The following GALC variants were observed in gnomAD, a reference collection of about 807,000 sequenced individuals.
GALC encodes galactocerebrosidase.
Under a neutral mutation model 91.8 loss-of-function variants are expected in GALC, and 77 were observed. The observed-to-expected ratio is 0.84, with a 90% CI of 0.70 to 1.01. GALC has a LOEUF of 1.01. Among genes scored for constraint, GALC ranks in the 50% least tolerant of loss-of-function variants. The probability of loss-of-function intolerance (pLI) is 0.00; values close to 1 mark genes in which losing one functional copy is unlikely to be tolerated. For missense variants in GALC, 882 were observed against 855.9 expected (o/e 1.03, Z -0.38); for synonymous variants, 357 against 306.7 (o/e 1.16, Z -1.71).
chr14:87,938,197 G>A (rs1300963639), intron 16 of GALC, among the ~76,000 whole-genome samples: 1 of 152,000 alleles, frequency 6.6e-6, no homozygotes, highest in Middle Eastern at 3.2e-3. Flanking sequence ...TGAGGAATAT[G>A]GAGAAAAGCC....
intron 10 of GALC, chr14:87,954,531 C>G (rs907569934): frequency 6.4e-7 from 1 of 1,558,604 alleles, no homozygotes; most frequent in Non-Finnish European, 8.7e-7. Context: ...ATGCCTTGGT[C>G]ATCCTGTGAG....
intron 14 of GALC, among the ~76,000 whole-genome samples, chr14:87,942,241 T>A (rs1416677693): frequency 6.6e-6 from 1 of 151,972 alleles, no homozygotes. Flanking sequence ...TCTAACAAGT[T>A]CCCAGGTGAT....
intron 13 of GALC, 49 bp downstream of exon 13, chr14:87,947,679 C>A (rs1566974299): frequency 1.3e-6 from 2 of 1,558,572 alleles, no homozygotes; most frequent in Non-Finnish European, 1.8e-6. Context: ...AATCAACACA[C>A]TACTGTTAAA....
chr14:87,982,111 C>A lies in GALC; in HGVS notation c.621+94G>T, dbSNP rs149814143. The A allele has an allele frequency of 1.9e-3, 1,308 of 699,438 alleles. 15 individuals carry two copies. In the African/African-American group the frequency reaches 0.021, roughly 11 times the overall value. 43.3% of individuals were successfully genotyped at this position (699,438 alleles called of 1,614,324 possible). On this transcript the variant is annotated intron_variant, in intron 6 of 16. Coordinates refer to ENST00000261304, the MANE Select transcript of GALC (RefSeq NM_000153.4). ...CTGTAGTATAAAAAATACGGTATTTCCAACACAAATTTCCTACTATTTTCT... is the reference window on the plus strand; with the variant it reads ...CTGTAGTATAAAAAATACGGTATTTACAACACAAATTTCCTACTATTTTCT...
intron 9 of GALC, among the ~76,000 whole-genome samples, chr14:87,964,483 G>A (rs17760434): frequency 0.11 from 17,198 of 152,102 alleles, 1,143 homozygotes; most frequent in Non-Finnish European, 0.16. Context: ...CTGCAGAAAA[G>A]TTTCAACATT....
chr14:87,975,745 TAC>T (rs2140014814), intron 7 of GALC, among the ~76,000 whole-genome samples: 1 of 151,762 alleles, frequency 6.6e-6, no homozygotes, highest in African/African-American at 2.4e-5. Flanking sequence ...GAACAAATTC[TAC>T]ACACATACAT....
intron 1 of GALC, among the ~76,000 whole-genome samples, chr14:87,988,765 TA>T (rs1226932944): frequency 1.3e-5 from 2 of 152,278 alleles, no homozygotes; most frequent in Non-Finnish European, 2.9e-5. Flanking sequence ...AACTGGGAGG[TA>T]AGCTTGCTAA....
At chr14:87,955,963 G>C (rs541372061) in intron 10 of GALC, among the ~76,000 whole-genome samples, 28 of 148,128 alleles carry the variant, frequency 1.9e-4, no homozygotes, top group Admixed American at 1.9e-3. Context: ...AATTTATGAT[G>C]AAATGAAAAA....
rs962360205 is a variant in GALC at position 87,993,048 on chromosome 14, G to C, written c.117C>G (p.Pro39=). The C allele has an allele frequency of 5.8e-6, 9 of 1,557,848 alleles. No individual in the cohort carries two copies. Among genetic ancestry groups the C allele is most frequent in the Non-Finnish European group, 7.8e-6 (9 of 1,154,524 alleles). ...VPLLLCALLA[P]GGAYVLDDSD... ...AGTCGTCGAGCACGTACGCGCCGCC[G>C]GGCGCCAGCAGCGCACACAGCAGCA... The change falls in exon 1 of 17, where the codon CCC becomes CCG. Residue 39 remains proline, a synonymous_variant. Coordinates refer to ENST00000261304, the MANE Select transcript of GALC (RefSeq NM_000153.4).
intron 8 of GALC, among the ~76,000 whole-genome samples, chr14:87,966,558 A>G (rs932620223): frequency 2.6e-5 from 4 of 152,226 alleles, no homozygotes; most frequent in African/African-American, 9.6e-5. Flanking sequence ...CTATCAGTAC[A>G]AAGTAGAAAT....
intron 5 of GALC, 140 bp downstream of exon 5, chr14:87,984,254 T>C (rs1412852843): frequency 2.5e-6 from 2 of 786,400 alleles, no homozygotes; most frequent in East Asian, 2.7e-5. Flanking sequence ...GTACTTAGTT[T>C]GTGTTATTAT....
chr14:87,968,715 T>C (rs574637637), intron 7 of GALC, among the ~76,000 whole-genome samples: 19 of 152,290 alleles, frequency 1.2e-4, no homozygotes, highest in Admixed American at 3.9e-4. Flanking sequence ...GGGATAAACC[T>C]ACAACAGCAT....
rs1310741506 is a variant in GALC, at chr14:87,934,395, C to T, written c.*337G>A. The T allele has an allele frequency of 8.5e-5, 108 of 1,269,824 alleles. No individual in the cohort carries two copies. The highest frequency in any genetic ancestry group is 1.1e-4 in the Non-Finnish European group (107 of 999,902). 78.7% of individuals were successfully genotyped at this position (1,269,824 alleles called of 1,614,324 possible). A position where few individuals can be genotyped will look rare whatever the true frequency, so the allele number is the denominator to read the frequency against. On this transcript the variant is annotated 3_prime_UTR_variant, in exon 17 of 17. Coordinates refer to ENST00000261304, the MANE Select transcript of GALC (RefSeq NM_000153.4). ...CAAGTTACTGCCATCTACAGGACCGCTTGCAAATAAGATGAAGAGAGCTAC... is the reference window on the plus strand; with the variant it reads ...CAAGTTACTGCCATCTACAGGACCGTTTGCAAATAAGATGAAGAGAGCTAC...
At chr14:87,961,383 C>A (rs772527790) in intron 10 of GALC, among the ~76,000 whole-genome samples, 3 of 152,132 alleles carry the variant, frequency 2.0e-5, no homozygotes, top group Non-Finnish European at 4.4e-5. Context: ...GGTGCAGTAA[C>A]TTTGGAAAAC....
upstream of GALC, chr14:87,993,331 T>C: frequency 6.5e-7 from 1 of 1,535,886 alleles, no homozygotes; most frequent in South Asian, 1.2e-5. Flanking sequence ...AGCGAGCTTT[T>C]TCTTATCGCT....
chr14:87,965,214 A>G (rs1439925408), intron 9 of GALC, among the ~76,000 whole-genome samples: 1 of 152,054 alleles, frequency 6.6e-6, no homozygotes, highest in Non-Finnish European at 1.5e-5. Context: ...ATCATTTGTA[A>G]TTATATCCTT....
chr14:87,976,519 G>T, intron 6 of GALC, 31 bp from the exon 7 acceptor site: 1 of 1,571,738 alleles, frequency 6.4e-7, no homozygotes. Flanking sequence ...ACATATGAAA[G>T]GATACAAATG....
At chr14:87,943,904 G>A (rs431081) in intron 14 of GALC, among the ~76,000 whole-genome samples, 2 of 151,582 alleles carry the variant, frequency 1.3e-5, no homozygotes, top group East Asian at 3.9e-4. Context: ...ATCAAGCCTA[G>A]AAGTGGAAAA....
intron 11 of GALC, 56 bp from the exon 12 acceptor site, chr14:87,949,987 G>C (rs1264218129): frequency 1.1e-6 from 1 of 884,302 alleles, no homozygotes; most frequent in Non-Finnish European, 1.9e-6. Context: ...CCTCTTTGAG[G>C]ATTTCCAAAA....
Sources: allele counts gnomAD v4.1 joint callset (sites outside exome capture counted in the v4.1 genomes callset), GRCh38; gene constraint gnomAD v4.1.1; transcripts MANE v1.5; gene names NCBI Gene and HGNC (gene_info 2026-07-23, HGNC 2026-07-21).